The following MXD1 variants were observed in gnomAD, a reference collection of about 807,000 sequenced individuals.
The protein encoded by MXD1 is MAX dimerization protein 1.
A neutral mutation model predicts 25.7 loss-of-function variants in MXD1; 9 were observed. The ratio of observed to expected loss-of-function variants is 0.35; its 90% CI spans 0.21 to 0.61. The LOEUF (loss-of-function observed/expected upper bound fraction) is 0.61, where lower values mean the gene tolerates loss of function less well. Ranked by LOEUF, MXD1 falls within the 20% of genes least tolerant of loss-of-function variation. The probability of loss-of-function intolerance (pLI) is 0.75; values close to 1 mark genes in which losing one functional copy is unlikely to be tolerated. For synonymous variants in MXD1, 99 were observed against 113.9 expected (o/e 0.87, Z 0.83); for missense variants, 227 against 292.4 (o/e 0.78, Z 1.63).
At chr2:69,933,218 A>AC (rs1222849631) in intron 3 of MXD1, among the ~76,000 whole-genome samples, 35 of 151,330 alleles carry the variant, frequency 2.3e-4, no homozygotes, top group Admixed American at 1.6e-3. Flanking sequence ...AAAAAAAAAA[A>AC]AAAAAACAAA....
At chr2:69,920,004 GTTT>G (rs1677034994) in intron 2 of MXD1, among the ~76,000 whole-genome samples, 1 of 38,810 alleles carries the variant, frequency 2.6e-5, no homozygotes, top group South Asian at 6.9e-4. Flanking sequence ...GTTTTGTTTT[GTTT>G]TGTTTTGTTT....
At chr2:69,919,435 C>T (rs1318351495) in intron 2 of MXD1, among the ~76,000 whole-genome samples, 1 of 152,188 alleles carries the variant, frequency 6.6e-6, no homozygotes, top group Non-Finnish European at 1.5e-5. Flanking sequence ...ACCTCTACCT[C>T]CTGGGTTCAA....
rs976248572 is a variant in MXD1 at position 69,915,977 on chromosome 2, G to T, written c.74-144G>T. 4 of 651,874 alleles carry T rather than the reference G, an allele frequency of 6.1e-6. No homozygotes were observed. Among genetic ancestry groups the T allele is most frequent in the Admixed American group, 5.8e-5 (2 of 34,318 alleles). The allele number at this position is 651,874 out of a possible 1,614,324, so 40.4% of individuals were successfully genotyped here. On this transcript the variant is annotated intron_variant, in intron 1 of 5. Coordinates refer to ENST00000264444, the MANE Select transcript of MXD1 (RefSeq NM_002357.4). The surrounding 1 kb of genome is among the most constrained non-coding windows in gnomAD (Gnocchi z 5.8). ...TCACACAATTTTTTTTTAAATCATT[G>T]TTCTCAGAATTCCACCTTACTCCAT...
intron 3 of MXD1, among the ~76,000 whole-genome samples, chr2:69,928,997 G>A (rs542273482): frequency 2.2e-4 from 34 of 152,238 alleles, no homozygotes; most frequent in Non-Finnish European, 3.2e-4. Flanking sequence ...AGGTTCAAGC[G>A]ATTCTTGTGC....
At chr2:69,937,498 A>G in intron 5 of MXD1, 104 bp downstream of exon 5, 1 of 1,125,790 alleles carries the variant, frequency 8.9e-7, no homozygotes. Flanking sequence ...GAACTAAGAC[A>G]CTGGGTATGA....
At chr2:69,930,180 G>A (rs966408526) in intron 3 of MXD1, among the ~76,000 whole-genome samples, 1 of 152,086 alleles carries the variant, frequency 6.6e-6, no homozygotes, top group Non-Finnish European at 1.5e-5. Flanking sequence ...TTTCAACAAA[G>A]TTTTATAGTT....
Position 69,915,311 on chromosome 2 carries a change from G to T in MXD1, c.-20G>T. The T allele has an allele frequency of 7.6e-7, 1 of 1,308,686 alleles. No individual in the cohort carries two copies. The highest frequency in any genetic ancestry group is 2.3e-5 in the South Asian group (1 of 43,776). 81.1% of individuals were successfully genotyped at this position (1,308,686 alleles called of 1,614,324 possible). On this transcript the variant is annotated 5_prime_UTR_variant, in exon 1 of 6. Transcript: ENST00000264444. This position sits in a 1 kb window ranked among gnomAD's most constrained non-coding sequence, Gnocchi z 5.8. ...GTGGGCAGTGGGGGTTGGTCCCGTG[G>T]CTCCGGCCCCCGGTGCAGAATGGCG...
chr2:69,925,082 G>A (rs1248108321), intron 3 of MXD1, among the ~76,000 whole-genome samples: 1 of 152,154 alleles, frequency 6.6e-6, no homozygotes, highest in Non-Finnish European at 1.5e-5. Flanking sequence ...TGTAGTAGGT[G>A]CTGGGACTAC....
At chr2:69,916,978 C>T (rs889647094) in intron 2 of MXD1, among the ~76,000 whole-genome samples, 2 of 152,104 alleles carry the variant, frequency 1.3e-5, no homozygotes, top group African/African-American at 4.8e-5. Context: ...TGCCCGTTTC[C>T]CCCCTTCTTT....
At chr2:69,932,238 A>ATG (rs149739049) in intron 3 of MXD1, among the ~76,000 whole-genome samples, 10 of 151,688 alleles carry the variant, frequency 6.6e-5, no homozygotes, top group East Asian at 1.9e-4. Context: ...GTGTCTGTGT[A>ATG]TGTGTGTGTG....
At chr2:69,934,455 C>G (rs1045381362) in intron 3 of MXD1, among the ~76,000 whole-genome samples, 2 of 152,194 alleles carry the variant, frequency 1.3e-5, no homozygotes, top group African/African-American at 4.8e-5. Context: ...TTCATCCAGC[C>G]CTTCTCCCTC....
At chr2:69,933,519 C>G (rs551093423) in intron 3 of MXD1, among the ~76,000 whole-genome samples, 62 of 152,178 alleles carry the variant, frequency 4.1e-4, no homozygotes, top group African/African-American at 1.4e-3. Flanking sequence ...TAGTAAAGCC[C>G]TTGTGCTATT....
At chr2:69,918,488 C>T (rs1573399160) in intron 2 of MXD1, among the ~76,000 whole-genome samples, 1 of 152,292 alleles carries the variant, frequency 6.6e-6, no homozygotes, top group African/African-American at 2.4e-5. Context: ...TTCTTTCCTA[C>T]TGATTTTTGA....
intron 3 of MXD1, among the ~76,000 whole-genome samples, chr2:69,934,313 T>C (rs2104202856): frequency 6.6e-6 from 1 of 152,228 alleles, no homozygotes; most frequent in East Asian, 1.9e-4. Context: ...AACCCCCAAA[T>C]CTCAGCTGCT....
At chr2:69,935,303 T>C (rs1385787351) in intron 3 of MXD1, 48 bp from the exon 4 acceptor site, 2 of 1,384,336 alleles carry the variant, frequency 1.4e-6, no homozygotes, top group African/African-American at 2.9e-5. Context: ...GGGGTGCTTC[T>C]GGCCCACTGT....
chr2:69,918,190 TAGGGAG>T (rs1160165153), intron 2 of MXD1, among the ~76,000 whole-genome samples: 1 of 152,194 alleles, frequency 6.6e-6, no homozygotes, highest in African/African-American at 2.4e-5. Flanking sequence ...AGGTAAAGGA[TAGGGAG>T]AGATTACTGC....
chr2:69,938,004 C>T, intron 5 of MXD1, 93 bp from the exon 6 acceptor site: 1 of 1,265,174 alleles, frequency 7.9e-7, no homozygotes, highest in East Asian at 2.4e-5. Flanking sequence ...GCCTTTGCCT[C>T]CCAAAGTGCT....
chr2:69,919,888 C>G (rs1409507932), intron 2 of MXD1, among the ~76,000 whole-genome samples: 3 of 151,822 alleles, frequency 2.0e-5, no homozygotes, highest in Admixed American at 6.5e-5. Flanking sequence ...GTTGCCCACA[C>G]TGGTCTCCAA....
intron 3 of MXD1, among the ~76,000 whole-genome samples, chr2:69,934,334 A>G (rs1677369566): frequency 6.6e-6 from 1 of 152,182 alleles, no homozygotes. Context: ...TCTTACATTC[A>G]TAGAATTTTC....
Sources: gnomAD v4.1 joint callset for allele counts (sites outside exome capture counted in the v4.1 genomes callset) on GRCh38, gnomAD v4.1.1 for gene constraint, Gnocchi (gnomAD v3.1) non-coding constraint, MANE v1.5 for transcripts, NCBI Gene and HGNC (gene_info 2026-07-23, HGNC 2026-07-21) for gene names.